The following SLC14A2 variants were observed in gnomAD, a reference collection of about 807,000 sequenced individuals.
SLC14A2 encodes the protein solute carrier family 14 member 2.
In SLC14A2, 91 loss-of-function variants were observed where a neutral mutation model predicts 104.6. The observed-to-expected ratio is 0.87, with a 90% CI of 0.73 to 1.04. The LOEUF (loss-of-function observed/expected upper bound fraction) is 1.04. Ranked by LOEUF, SLC14A2 falls within the 50% of genes least tolerant of loss-of-function variation. SLC14A2 has a pLI of 0.00. For synonymous variants in SLC14A2, 476 were observed against 466.4 expected (o/e 1.02, Z -0.27); for missense variants, 1,189 against 1,156.0 (o/e 1.03, Z -0.41).
intron 1 of SLC14A2, among the ~76,000 whole-genome samples, chr18:45,463,204 T>C (rs769457912): frequency 1.3e-5 from 2 of 152,194 alleles, no homozygotes; most frequent in Non-Finnish European, 1.5e-5. Flanking sequence ...CTCCCTTTGC[T>C]ACCTTAATCT....
chr18:45,298,956 GA>G (rs1331877154), intron 1 of SLC14A2, among the ~76,000 whole-genome samples: 2 of 151,732 alleles, frequency 1.3e-5, no homozygotes, highest in Admixed American at 6.6e-5. Flanking sequence ...CCCATTGGTT[GA>G]AAAGCCATTA....
chr18:45,506,038 G>C (rs952720537), intron 2 of SLC14A2, among the ~76,000 whole-genome samples: 8 of 152,196 alleles, frequency 5.3e-5, no homozygotes. Context: ...CCTGCTTACT[G>C]CAAAGTGTCT....
chr18:45,518,088 A>G (rs977249756), intron 2 of SLC14A2, among the ~76,000 whole-genome samples: 8 of 152,176 alleles, frequency 5.3e-5, no homozygotes, highest in African/African-American at 1.7e-4. Flanking sequence ...ACTTCATTTT[A>G]TGGAATGGAA....
At chr18:45,642,142 T>C (rs1267615579) in intron 8 of SLC14A2, among the ~76,000 whole-genome samples, 3 of 152,228 alleles carry the variant, frequency 2.0e-5, no homozygotes, top group African/African-American at 7.2e-5. Flanking sequence ...TATTGTTCTC[T>C]GGAAGCAGGA....
At chr18:45,242,913 C>T (rs1164641696) in intron 1 of SLC14A2, among the ~76,000 whole-genome samples, 1 of 152,154 alleles carries the variant, frequency 6.6e-6, no homozygotes, top group Non-Finnish European at 1.5e-5. Flanking sequence ...GCCTATTGAG[C>T]TAAGTATTGA....
At chr18:45,258,324 C>A (rs2084501545) in intron 1 of SLC14A2, among the ~76,000 whole-genome samples, 1 of 142,010 alleles carries the variant, frequency 7.0e-6, no homozygotes, top group Non-Finnish European at 1.5e-5. Flanking sequence ...GCACAGATGC[C>A]CAGAAGTGCC....
chr18:45,479,270 G>A (rs887292718), intron 1 of SLC14A2, among the ~76,000 whole-genome samples: 4 of 152,034 alleles, frequency 2.6e-5, no homozygotes, highest in Non-Finnish European at 4.4e-5. Flanking sequence ...AGCACCTAAC[G>A]CTATATCTGA....
intron 2 of SLC14A2, among the ~76,000 whole-genome samples, chr18:45,499,567 C>T (rs980107318): frequency 7.2e-5 from 11 of 152,150 alleles, no homozygotes; most frequent in African/African-American, 1.9e-4. Context: ...CTTTGCCTTG[C>T]GGGATTGTTG....
chr18:45,425,857 C>T (rs1447926068), intron 1 of SLC14A2, among the ~76,000 whole-genome samples: 2 of 151,856 alleles, frequency 1.3e-5, no homozygotes, highest in Non-Finnish European at 2.9e-5. Context: ...GTAAACAGTC[C>T]TAGGGTATTT....
Position 45,250,751 on chromosome 18 carries a change from C to CTGACTTTTTTTTTTTTTTTTTTTTTT in SLC14A2, c.-125+37561_-125+37562insGACTTTTTTTTTTTTTTTTTTTTTTT, listed in dbSNP as rs1165070845. Among the ~76,000 whole-genome samples, 51 of 113,884 alleles carry CTGACTTTTTTTTTTTTTTTTTTTTTT rather than the reference C, an allele frequency of 4.5e-4. 3 individuals carry two copies. Among genetic ancestry groups the CTGACTTTTTTTTTTTTTTTTTTTTTT allele is most frequent in the African/African-American group, 7.4e-4 (19 of 25,522 alleles). The allele number at this position is 113,884 out of a possible 152,430, so 74.7% of individuals were successfully genotyped here. A position where few individuals can be genotyped will look rare whatever the true frequency, so the allele number is the denominator to read the frequency against. On this transcript the variant is annotated intron_variant, in intron 1 of 20. Coordinates refer to the SLC14A2 transcript ENST00000586448. Reference sequence around the variant, plus strand: ...AACTGAATCCTCTGGCTAGTGGCTTCTTCCTTTTTTTTTTTTTTTTTTTTT... The same window carrying CTGACTTTTTTTTTTTTTTTTTTTTTT: ...AACTGAATCCTCTGGCTAGTGGCTTCTGACTTTTTTTTTTTTTTTTTTTTTTTTCCTTTTTTTTTTTTTTTTTTTTT...
intron 1 of SLC14A2, among the ~76,000 whole-genome samples, chr18:45,408,124 A>T (rs1325926067): frequency 6.6e-6 from 1 of 152,170 alleles, no homozygotes; most frequent in Non-Finnish European, 1.5e-5. Context: ...GTTGAAATCC[A>T]TTTGGTGGAA....
At position 45,644,176 on chromosome 18, in the gene SLC14A2, C is replaced by T. The variant is rs1246867595; in HGVS notation, c.1351+16C>T. On this transcript the variant is annotated intron_variant, in intron 10 of 19. Transcript: ENST00000255226. ...GCCCCCAGCGGTGAATAGCCATGTTCGGGGAAGAAACGCTCTTTGCCTGAC... is the reference window on the plus strand; with the variant it reads ...GCCCCCAGCGGTGAATAGCCATGTTTGGGGAAGAAACGCTCTTTGCCTGAC... 6.2e-6 allele frequency: 10 copies of T among 1,613,304 alleles called. No individual in the cohort carries two copies. The highest frequency in any genetic ancestry group is 3.3e-5 in the South Asian group (3 of 90,964).
At chr18:45,376,974 G>C (rs1053142697) in intron 1 of SLC14A2, among the ~76,000 whole-genome samples, 1 of 152,036 alleles carries the variant, frequency 6.6e-6, no homozygotes, top group Non-Finnish European at 1.5e-5. Context: ...TAACCTTGCT[G>C]TCCTCTCAAA....
intron 2 of SLC14A2, among the ~76,000 whole-genome samples, chr18:45,534,705 G>C (rs1199785756): frequency 6.6e-6 from 1 of 152,172 alleles, no homozygotes; most frequent in Non-Finnish European, 1.5e-5. Context: ...TAGGCAAAGG[G>C]TTGAAAATAG....
intron 1 of SLC14A2, among the ~76,000 whole-genome samples, chr18:45,409,720 T>C (rs1390946193): frequency 2.0e-5 from 3 of 152,104 alleles, no homozygotes; most frequent in African/African-American, 7.2e-5. Context: ...TAAAAAATGA[T>C]TTGTGCTTTT....
chr18:45,241,524 C>G (rs185097371), intron 1 of SLC14A2, among the ~76,000 whole-genome samples: 286 of 152,226 alleles, frequency 1.9e-3, no homozygotes, highest in Middle Eastern at 3.4e-3. Flanking sequence ...ATGGTGAAGA[C>G]AGAGGTGCAG....
At chr18:45,362,847 A>T (rs1035988459) in intron 1 of SLC14A2, among the ~76,000 whole-genome samples, 1 of 152,154 alleles carries the variant, frequency 6.6e-6, no homozygotes, top group Non-Finnish European at 1.5e-5. Context: ...TCCAAGACAA[A>T]TATTTAGTTC....
the SLC14A2 span, among the ~76,000 whole-genome samples, chr18:45,188,913 AC>A: frequency 6.6e-6 from 1 of 152,214 alleles, no homozygotes; most frequent in Non-Finnish European, 1.5e-5. Flanking sequence ...CTATCTGACA[AC>A]ATGCCCAGAA....
the SLC14A2 span, among the ~76,000 whole-genome samples, chr18:45,170,030 A>G: frequency 0.011 from 1,732 of 152,296 alleles, 19 homozygotes; most frequent in Non-Finnish European, 0.015. Context: ...GGCTGCAATG[A>G]TGAGTAAAAT....
Sources: gnomAD v4.1 joint callset for allele counts (sites outside exome capture counted in the v4.1 genomes callset) on GRCh38, gnomAD v4.1.1 for gene constraint, MANE v1.5 for transcripts, NCBI Gene and HGNC (gene_info 2026-07-23, HGNC 2026-07-21) for gene names.